Variants in ZNF536 observed in about 807,000 individuals in gnomAD.
ZNF536 encodes the protein zinc finger protein 536.
A neutral mutation model predicts 84.5 loss-of-function variants in ZNF536; 13 were observed. The observed-to-expected ratio is 0.15, with a 90% CI of 0.10 to 0.24. The LOEUF (loss-of-function observed/expected upper bound fraction) is 0.24, where lower values mean the gene tolerates loss of function less well. Among genes scored for constraint, ZNF536 ranks in the 10% least tolerant of loss-of-function variants. The pLI is 1.00. For synonymous variants in ZNF536, 811 were observed against 742.5 expected, an observed-to-expected ratio of 1.09 and a Z score of -1.50; for missense variants, 1,536 against 1,747.5, an observed-to-expected ratio of 0.88 and a Z score of 2.16.
At chr19:30,431,997 A>G (rs1262639294) in intron 1 of ZNF536, among the ~76,000 whole-genome samples, 1 of 144,156 alleles carries the variant, frequency 6.9e-6, no homozygotes, top group Non-Finnish European at 1.5e-5. Context: ...AAAAGCATAT[A>G]TATATATATA....
intron 1 of ZNF536, among the ~76,000 whole-genome samples, chr19:30,408,456 T>C (rs2050353605): frequency 6.6e-6 from 1 of 152,188 alleles, no homozygotes. Context: ...ATCTGCATTA[T>C]TTGTCCAGGC....
chr19:30,405,881 G>A (rs1341693217), intron 1 of ZNF536, among the ~76,000 whole-genome samples: 1 of 151,844 alleles, frequency 6.6e-6, no homozygotes, highest in East Asian at 1.9e-4. Context: ...GGGTTCAAGC[G>A]ATTCTCCTGC....
chr19:30,549,758 T>C (rs2045702080), intron 4 of ZNF536, among the ~76,000 whole-genome samples: 1 of 152,210 alleles, frequency 6.6e-6, no homozygotes, highest in Admixed American at 6.5e-5. Context: ...ACAGAAGGCA[T>C]GGAAAAGGGG....
intron 1 of ZNF536, among the ~76,000 whole-genome samples, chr19:30,690,980 T>A (rs1361485380): frequency 1.3e-5 from 2 of 152,240 alleles, no homozygotes; most frequent in African/African-American, 4.8e-5. Flanking sequence ...AGATACCGGC[T>A]AACTATTGTG....
rs2146371338 is a variant in ZNF536, at chr19:30,557,153, G to A, written c.3896-4G>A. ...ATTTAATAAATCTGCACATTTTCTT[G>A]CAGGTAAGTGACACTCCCTGTCCTA... On this transcript the variant is annotated splice_polypyrimidine_tract_variant and splice_region_variant and intron_variant, in intron 4 of 4. Transcript: ENST00000355537. 1 of 1,613,276 alleles carries A rather than the reference G, an allele frequency of 6.2e-7. No individual in the cohort carries two copies. The highest frequency in any genetic ancestry group is 8.5e-7 in the Non-Finnish European group (1 of 1,179,600).
At chr19:30,561,290 A>G (rs1215543187), downstream of ZNF536, among the ~76,000 whole-genome samples, 1 of 152,196 alleles carries the variant, frequency 6.6e-6, no homozygotes, top group African/African-American at 2.4e-5. Context: ...GTTGACCACG[A>G]GGACAGGCCA....
At chr19:30,653,667 G>C (rs1256950090) in intron 1 of ZNF536, among the ~76,000 whole-genome samples, 2 of 146,484 alleles carry the variant, frequency 1.4e-5, no homozygotes, top group African/African-American at 5.5e-5. Flanking sequence ...AGGAGCAGGG[G>C]ACGGAAGAGA....
At chr19:30,390,857 C>A (rs927255333) in intron 1 of ZNF536, among the ~76,000 whole-genome samples, 1 of 152,174 alleles carries the variant, frequency 6.6e-6, no homozygotes, top group African/African-American at 2.4e-5. Flanking sequence ...GATCTCAAAC[C>A]CAGCCTGGGA....
intron 1 of ZNF536, among the ~76,000 whole-genome samples, chr19:30,653,076 T>A (rs2049770373): frequency 6.6e-6 from 1 of 152,214 alleles, no homozygotes; most frequent in Non-Finnish European, 1.5e-5. Flanking sequence ...GGTGCCGTTA[T>A]CTGGGCATTT....
intron 2 of ZNF536, among the ~76,000 whole-genome samples, chr19:30,527,004 C>T (rs1054239565): frequency 1.9e-4 from 29 of 151,914 alleles, no homozygotes; most frequent in East Asian, 9.9e-4. Context: ...CTGCAGCCTC[C>T]GCCTCCTGGG....
chr19:30,248,396 ATT>A (rs34048586), intron 1 of ZNF536, among the ~76,000 whole-genome samples: 21,762 of 133,698 alleles, frequency 0.16, 1,901 homozygotes, highest in African/African-American at 0.26. Flanking sequence ...TGCCCTGCTA[ATT>A]TTTTTTTTTT....
chr19:30,529,054 C>T (rs2044701030), intron 2 of ZNF536, among the ~76,000 whole-genome samples: 1 of 151,882 alleles, frequency 6.6e-6, no homozygotes, highest in African/African-American at 2.4e-5. Flanking sequence ...GGTGAAGGGA[C>T]TTGCTTGGGA....
chr19:30,301,344 T>C (rs117650185), intron 2 of ZNF536, among the ~76,000 whole-genome samples: 5,534 of 152,322 alleles, frequency 0.036, 162 homozygotes, highest in Non-Finnish European at 0.055. Flanking sequence ...TCAGTTATTC[T>C]GTCTGCAAAA....
intron 1 of ZNF536, among the ~76,000 whole-genome samples, chr19:30,423,591 A>G (rs1470088247): frequency 6.6e-6 from 1 of 152,236 alleles, no homozygotes; most frequent in East Asian, 1.9e-4. Context: ...TGCTGGGGTG[A>G]ACAAGCAGTT....
intron 2 of ZNF536, among the ~76,000 whole-genome samples, chr19:30,497,235 G>C (rs890684923): frequency 6.6e-6 from 1 of 152,102 alleles, no homozygotes; most frequent in African/African-American, 2.4e-5. Context: ...ATGGCAAATT[G>C]GTCAGAGTTC....
At chr19:30,404,019 CTTT>C (rs11336660) in intron 1 of ZNF536, among the ~76,000 whole-genome samples, 8 of 123,372 alleles carry the variant, frequency 6.5e-5, no homozygotes, top group African/African-American at 2.3e-4. Context: ...TTCCTTTCCT[CTTT>C]TTTTTTTTTT....
At chr19:30,581,772 C>T (rs943431662) in intron 1 of ZNF536, among the ~76,000 whole-genome samples, 9 of 152,004 alleles carry the variant, frequency 5.9e-5, no homozygotes, top group African/African-American at 1.9e-4. Flanking sequence ...CCCATCTCTA[C>T]TAAAAATACT....
chr19:30,585,154 C>A (rs994122708), intron 1 of ZNF536, among the ~76,000 whole-genome samples: 1 of 151,990 alleles, frequency 6.6e-6, no homozygotes, highest in East Asian at 1.9e-4. Context: ...AAAGAAGATA[C>A]AGTCTTAAGC....
At chr19:30,403,403 G>C (rs1007221530) in intron 1 of ZNF536, among the ~76,000 whole-genome samples, 1 of 152,192 alleles carries the variant, frequency 6.6e-6, no homozygotes, top group African/African-American at 2.4e-5. Context: ...AAGGTCAAAG[G>C]CTGCGCAAGA....
Sources: allele counts gnomAD v4.1 joint callset (sites outside exome capture counted in the v4.1 genomes callset), GRCh38; gene constraint gnomAD v4.1.1; transcripts MANE v1.5; gene names NCBI Gene and HGNC (gene_info 2026-07-23, HGNC 2026-07-21).